CNTD1: variants seen among roughly 807,000 people sequenced by gnomAD.
CNTD1 encodes the protein cyclin N-terminal domain-containing protein 1.
In CNTD1, 17 loss-of-function variants were observed where a neutral mutation model predicts 36.3. The observed-to-expected ratio is 0.47, with a 90% CI of 0.32 to 0.70. CNTD1 has a LOEUF of 0.70. CNTD1 is among the 30% of genes least tolerant of loss of function. CNTD1 has a pLI of 0.03. For synonymous variants in CNTD1, 128 were observed against 153.3 expected (o/e 0.83, Z 1.22); for missense variants, 338 against 386.1 (o/e 0.88, Z 1.04).
chr17:42,803,620 AGTTT>A lies in CNTD1; in HGVS notation c.175_178del (p.Val59PhefsTer13). The A allele has an allele frequency of 6.2e-7, 1 of 1,612,574 alleles. No homozygotes were observed. Among genetic ancestry groups the A allele is most frequent in the South Asian group, 1.1e-5 (1 of 90,820 alleles). ...AGGCTCTTTTTTCCTGTTTTGGCAGAGTTTGTTTTTCTCCTGTCTGAACAATGGT... is the reference window on the plus strand; with the variant it reads ...AGGCTCTTTTTTCCTGTTTTGGCAGAGTTTTTCTCCTGTCTGAACAATGGT... On this transcript the variant is annotated frameshift_variant and splice_region_variant, in exon 2 of 7. Coordinates refer to ENST00000588408, the MANE Select transcript of CNTD1 (RefSeq NM_173478.3). LOFTEE classifies it high-confidence loss of function.
Position 42,810,831 on chromosome 17 carries a change from C to A in CNTD1, c.*1296C>A. 6.2e-7 allele frequency: 1 copy of A among 1,613,626 alleles called. No individual in the cohort carries two copies. Among genetic ancestry groups the A allele is most frequent in the Non-Finnish European group, 8.5e-7 (1 of 1,179,794 alleles). ...AGATTCGTCAGCATGAACTTGAGAGCTTTTGTCCACTGCTCCTCAGAGTTA... is the reference window on the plus strand; with the variant it reads ...AGATTCGTCAGCATGAACTTGAGAGATTTTGTCCACTGCTCCTCAGAGTTA... On this transcript the variant is annotated 3_prime_UTR_variant, in exon 7 of 7. Coordinates refer to ENST00000588408, the MANE Select transcript of CNTD1 (RefSeq NM_173478.3).
chr17:42,801,507 AAAAATATATATAT>A lies in CNTD1; in HGVS notation c.170-2111_170-2099del, dbSNP rs1398714779. Among the ~76,000 whole-genome samples, 180 of 55,346 alleles carry A rather than the reference AAAAATATATATAT, an allele frequency of 3.3e-3. 9 individuals are homozygous for A. Among genetic ancestry groups the A allele is most frequent in the African/African-American group, 0.021 (177 of 8,288 alleles). 36.3% of individuals were successfully genotyped at this position (55,346 alleles called of 152,430 possible). A position where few individuals can be genotyped will look rare whatever the true frequency, so the allele number is the denominator to read the frequency against. On this transcript the variant is annotated intron_variant, in intron 1 of 6. Coordinates refer to ENST00000588408, the MANE Select transcript of CNTD1 (RefSeq NM_173478.3). ...TGAGACCTTGTCTCAAAAAAAAAAA[AAAAATATATATAT>A]ATATATATATATATATATATATATA... is the stretch of plus-strand genomic sequence containing the variant.
intron 1 of CNTD1, among the ~76,000 whole-genome samples, chr17:42,799,607 C>A: frequency 6.6e-6 from 1 of 151,398 alleles, no homozygotes. Flanking sequence ...CAAAAATTAG[C>A]CAGGACTGGT....
chr17:42,805,173 T>C (rs2054858268), intron 3 of CNTD1, among the ~76,000 whole-genome samples: 1 of 152,202 alleles, frequency 6.6e-6, no homozygotes, highest in Non-Finnish European at 1.5e-5. Flanking sequence ...ACCCAATGCC[T>C]ATACAGTAAA....
chr17:42,808,858 G>A (rs1425943026), intron 6 of CNTD1, among the ~76,000 whole-genome samples: 3 of 152,146 alleles, frequency 2.0e-5, no homozygotes, highest in Non-Finnish European at 4.4e-5. Context: ...GACAAGCCTG[G>A]GCAACACAGT....
At position 42,809,612 on chromosome 17, in the gene CNTD1, G is replaced by C; in HGVS notation, c.*77G>C. On this transcript the variant is annotated 3_prime_UTR_variant, in exon 7 of 7. Transcript: ENST00000588408. ...CTCCCTCTGTTTACTTTCATACTAA[G>C]GGTACAAAAATTCCAAGTCTCTTTT... 1.5e-6 allele frequency: 2 copies of C among 1,342,256 alleles called. No individual in the cohort carries two copies. The highest frequency in any genetic ancestry group is 2.7e-5 in the South Asian group (2 of 75,386). 83.1% of individuals were successfully genotyped at this position (1,342,256 alleles called of 1,614,324 possible).
intron 1 of CNTD1, among the ~76,000 whole-genome samples, chr17:42,800,032 C>G (rs2054750516): frequency 6.8e-6 from 1 of 146,890 alleles, no homozygotes; most frequent in Non-Finnish European, 1.5e-5. Context: ...CCACTACACT[C>G]CAGCCTGAGT....
intron 1 of CNTD1, among the ~76,000 whole-genome samples, chr17:42,799,809 T>C (rs1193626002): frequency 7.5e-6 from 1 of 133,626 alleles, no homozygotes; most frequent in Admixed American, 7.8e-5. Context: ...CTCACGCCTG[T>C]AATCCCAGCA....
intron 1 of CNTD1, among the ~76,000 whole-genome samples, chr17:42,802,227 A>T (rs60827437): frequency 0.013 from 1,898 of 151,486 alleles, 32 homozygotes; most frequent in African/African-American, 0.041. Context: ...TTATTTATTT[A>T]AAAAAAAATT....
In CNTD1 at chr17:42,810,484, C is replaced by A. The variant is rs764265711; in HGVS notation, c.*949C>A. 11 of 243,886 alleles carry A rather than the reference C, an allele frequency of 4.5e-5. No individual in the cohort carries two copies. The highest frequency in any genetic ancestry group is 6.7e-5 in the African/African-American group (3 of 44,646). The allele number at this position is 243,886 out of a possible 1,614,324, so 15.1% of individuals were successfully genotyped here. A position where few individuals can be genotyped will look rare whatever the true frequency, so the allele number is the denominator to read the frequency against. On this transcript the variant is annotated 3_prime_UTR_variant, in exon 7 of 7. Coordinates refer to ENST00000588408, the MANE Select transcript of CNTD1 (RefSeq NM_173478.3). ...TCAACTCAGTTAAAAAAAAGAAAAG[C>A]AAATTTAAATTAGTTTTTTTCAGAG...
rs1237804795 is a variant in CNTD1, at chr17:42,811,339, A to C, written c.*1804A>C. The C allele has an allele frequency of 3.4e-6, 1 of 298,136 alleles. No individual in the cohort carries two copies. The highest frequency in any genetic ancestry group is 6.1e-6 in the Non-Finnish European group (1 of 163,842). 18.5% of individuals were successfully genotyped at this position (298,136 alleles called of 1,614,324 possible). On this transcript the variant is annotated 3_prime_UTR_variant, in exon 7 of 7. Transcript: ENST00000588408. ...CATCCATCAATGGGATCCTAGAAAAATCAAAAGAAGCATTCCTGTGTATTT... is the reference window on the plus strand; with the variant it reads ...CATCCATCAATGGGATCCTAGAAAACTCAAAAGAAGCATTCCTGTGTATTT...
At position 42,811,009 on chromosome 17, in the gene CNTD1, C is replaced by A. The variant is rs1262103539; in HGVS notation, c.*1474C>A. 1.5e-6 allele frequency: 2 copies of A among 1,345,006 alleles called. No homozygotes were observed. Among genetic ancestry groups the A allele is most frequent in the African/African-American group, 2.9e-5 (2 of 68,028 alleles). The allele number at this position is 1,345,006 out of a possible 1,614,324, so 83.3% of individuals were successfully genotyped here. On this transcript the variant is annotated 3_prime_UTR_variant, in exon 7 of 7. Coordinates refer to ENST00000588408, the MANE Select transcript of CNTD1 (RefSeq NM_173478.3). ...CGGGGCAGGGACTTGATCATGGGACCATTCACGTCATTTTATCTATTAAAG... is the reference window on the plus strand; with the variant it reads ...CGGGGCAGGGACTTGATCATGGGACAATTCACGTCATTTTATCTATTAAAG...
rs1047489175 is a variant in CNTD1 at position 42,801,204 on chromosome 17, C to CA, written c.169+1970dup. Among the ~76,000 whole-genome samples the CA allele has an allele frequency of 2.7e-4, 36 of 135,352 alleles. No homozygotes were observed. In the East Asian group the frequency reaches 6.8e-3, roughly 26 times the overall value. The allele number at this position is 135,352 out of a possible 152,430, so 88.8% of individuals were successfully genotyped here. ...TGTCTCCCAAAAAAAAAAAAAACAA[C>CA]AACAAAAAAAAACAACACAAAAAAC... On this transcript the variant is annotated intron_variant, in intron 1 of 6. Transcript: ENST00000588408.
intron 1 of CNTD1, among the ~76,000 whole-genome samples, chr17:42,799,594 G>C (rs918853935): frequency 6.6e-6 from 1 of 150,492 alleles, no homozygotes; most frequent in Admixed American, 6.6e-5. Flanking sequence ...TCTACTAAAA[G>C]TACAAAAATT....
At chr17:42,805,434 T>G in intron 3 of CNTD1, 2 of 226,604 alleles carry the variant, frequency 8.8e-6, no homozygotes, top group South Asian at 8.4e-5. Flanking sequence ...TGAAATGGGG[T>G]GGGTGGGAGA....
chr17:42,801,531 ATATATATATATATATAATATATG>A (rs2054791336), intron 1 of CNTD1, among the ~76,000 whole-genome samples: 2 of 81,538 alleles, frequency 2.5e-5, no homozygotes, highest in Admixed American at 2.9e-4. Flanking sequence ...ATATATATAT[ATATATATATATATATAATATATG>A]TGTGTGTGTG....
intron 1 of CNTD1, 101 bp downstream of exon 1, chr17:42,799,337 T>C: frequency 7.6e-7 from 1 of 1,323,968 alleles, no homozygotes; most frequent in Non-Finnish European, 1.0e-6. Flanking sequence ...ATTCAGAGAA[T>C]GTTTGCTAAC....
intron 5 of CNTD1, 47 bp downstream of exon 5, chr17:42,806,865 G>A: frequency 6.3e-7 from 1 of 1,582,126 alleles, no homozygotes; most frequent in Non-Finnish European, 8.7e-7. Flanking sequence ...ACAGGGAAGG[G>A]GAGACAGACC....
intron 5 of CNTD1, 97 bp downstream of exon 5, chr17:42,806,915 C>G (rs1353268476): frequency 1.7e-6 from 2 of 1,168,554 alleles, no homozygotes; most frequent in Non-Finnish European, 2.4e-6. Flanking sequence ...GCATGGCATC[C>G]AGTCCCAGAT....
Sources: gnomAD v4.1 joint callset for allele counts (sites outside exome capture counted in the v4.1 genomes callset) on GRCh38, gnomAD v4.1.1 for gene constraint, MANE v1.5 for transcripts, NCBI Gene and HGNC (gene_info 2026-07-23, HGNC 2026-07-21) for gene names.